Variants in NGEF observed in about 807,000 individuals in gnomAD.
The protein encoded by NGEF is ephexin-1.
In NGEF, 31 loss-of-function variants were observed where a neutral mutation model predicts 80.9. The ratio of observed to expected loss-of-function variants is 0.38; its 90% CI spans 0.29 to 0.52. The LOEUF is 0.52. NGEF is among the 20% of genes least tolerant of loss of function. NGEF has a pLI of 0.84. For synonymous variants in NGEF, 371 were observed against 370.2 expected (o/e 1.00, Z -0.03); for missense variants, 709 against 926.2 (o/e 0.77, Z 3.04).
intron 5 of NGEF, among the ~76,000 whole-genome samples, chr2:232,906,104 G>A (rs188020433): frequency 3.2e-5 from 3 of 93,060 alleles, no homozygotes; most frequent in South Asian, 3.3e-4. Flanking sequence ...CAGCCGTCCC[G>A]TCTGGGAGGG....
At chr2:232,922,060 C>T (rs985451431) in intron 4 of NGEF, among the ~76,000 whole-genome samples, 1 of 152,212 alleles carries the variant, frequency 6.6e-6, no homozygotes, top group Non-Finnish European at 1.5e-5. Flanking sequence ...AGCAGGATGT[C>T]CTGGTCTGGC....
At chr2:232,893,672 G>A (rs1174486225) in intron 6 of NGEF, among the ~76,000 whole-genome samples, 1 of 152,222 alleles carries the variant, frequency 6.6e-6, no homozygotes, top group Non-Finnish European at 1.5e-5. Flanking sequence ...CTACTCGGGA[G>A]GTTGAGGCAG....
chr2:232,955,244 G>GAC (rs1359255617), intron 3 of NGEF, among the ~76,000 whole-genome samples: 4 of 152,078 alleles, frequency 2.6e-5, no homozygotes, highest in Non-Finnish European at 4.4e-5. Context: ...GTCAGCTGCC[G>GAC]ACCTGACATC....
chr2:232,935,055 A>G (rs1462295833), intron 3 of NGEF, among the ~76,000 whole-genome samples: 1 of 152,106 alleles, frequency 6.6e-6, no homozygotes, highest in Middle Eastern at 3.2e-3. Context: ...AATTAAAGTT[A>G]TATTTTTTAA....
intron 3 of NGEF, among the ~76,000 whole-genome samples, chr2:232,937,980 C>T (rs1331573266): frequency 6.6e-6 from 1 of 152,086 alleles, no homozygotes; most frequent in African/African-American, 2.4e-5. Flanking sequence ...ATGTGTTGCT[C>T]TGGTGGACAG....
At chr2:232,924,850 G>C (rs1693026693) in intron 4 of NGEF, among the ~76,000 whole-genome samples, 1 of 152,056 alleles carries the variant, frequency 6.6e-6, no homozygotes, top group Non-Finnish European at 1.5e-5. Context: ...ACTTTTTTCT[G>C]GGGTATTTAG....
intron 3 of NGEF, among the ~76,000 whole-genome samples, chr2:232,943,654 C>T (rs1693488536): frequency 6.6e-6 from 1 of 151,604 alleles, no homozygotes; most frequent in East Asian, 2.0e-4. Context: ...CGCCACTAGA[C>T]CCGACTAATT....
chr2:232,904,914 G>A (rs539980691), intron 5 of NGEF, among the ~76,000 whole-genome samples: 4 of 152,290 alleles, frequency 2.6e-5, no homozygotes, highest in Admixed American at 1.3e-4. Context: ...CTGCACTCCC[G>A]CCTGGGCCAC....
chr2:232,935,017 AAAT>A (rs1693300864), intron 3 of NGEF, among the ~76,000 whole-genome samples: 1 of 152,036 alleles, frequency 6.6e-6, no homozygotes, highest in Admixed American at 6.6e-5. Context: ...CAAAAAAAAA[AAAT>A]AATAATAAGA....
At chr2:232,943,616 C>T (rs1031970134) in intron 3 of NGEF, among the ~76,000 whole-genome samples, 1 of 151,534 alleles carries the variant, frequency 6.6e-6, no homozygotes, top group Non-Finnish European at 1.5e-5. Flanking sequence ...CTGCCTCAGC[C>T]TCCCGAGTAG....
intron 1 of NGEF, among the ~76,000 whole-genome samples, chr2:232,984,096 AT>A (rs966541669): frequency 2.0e-5 from 3 of 151,970 alleles, no homozygotes; most frequent in African/African-American, 7.3e-5. Context: ...ACTGAAATTA[AT>A]TTTTTCAGAC....
At chr2:232,932,758 G>A (rs1693243472) in intron 3 of NGEF, among the ~76,000 whole-genome samples, 2 of 152,018 alleles carry the variant, frequency 1.3e-5, no homozygotes, top group African/African-American at 4.8e-5. Context: ...CTGACTCCTT[G>A]TATCCTCATG....
intron 5 of NGEF, among the ~76,000 whole-genome samples, chr2:232,906,158 G>T (rs1348229117): frequency 5.0e-5 from 3 of 59,940 alleles, no homozygotes; most frequent in Admixed American, 1.5e-4. Flanking sequence ...GCCCCGTCCG[G>T]GAGGGAGGTG....
chr2:232,906,981 C>CA (rs1692575485), intron 5 of NGEF, among the ~76,000 whole-genome samples: 1 of 150,470 alleles, frequency 6.6e-6, no homozygotes, highest in Non-Finnish European at 1.5e-5. Flanking sequence ...TGCTTGAAGG[C>CA]AGCATGCTCG....
intron 3 of NGEF, among the ~76,000 whole-genome samples, chr2:232,966,355 G>C (rs780705832): frequency 4.8e-4 from 73 of 152,334 alleles, no homozygotes; most frequent in Non-Finnish European, 9.6e-4. Context: ...TCTTCCTGGA[G>C]ACCCACACTT....
At chr2:232,902,750 C>T (rs1692391501) in intron 5 of NGEF, among the ~76,000 whole-genome samples, 1 of 152,162 alleles carries the variant, frequency 6.6e-6, no homozygotes, top group Non-Finnish European at 1.5e-5. Context: ...CCTGTAATCC[C>T]AATACTTTGG....
At chr2:232,951,460 A>T (rs114926690) in intron 3 of NGEF, among the ~76,000 whole-genome samples, 116 of 152,312 alleles carry the variant, frequency 7.6e-4, no homozygotes, top group African/African-American at 2.7e-3. Flanking sequence ...GGAAGACCTG[A>T]GTCTTGGCAG....
At chr2:232,891,538 C>A in intron 7 of NGEF, 51 bp from the exon 8 acceptor site, 1 of 1,568,526 alleles carries the variant, frequency 6.4e-7, no homozygotes. Flanking sequence ...GAGGCATGAA[C>A]TGGAGACTCC....
Position 232,920,394 on chromosome 2 carries a change from A to C in NGEF, c.718T>G (p.Cys240Gly). 7 of 1,614,060 alleles carry C rather than the reference A, an allele frequency of 4.3e-6. No homozygotes were observed. Among genetic ancestry groups the C allele is most frequent in the Non-Finnish European group, 5.9e-6 (7 of 1,179,988 alleles). The change falls in exon 5 of 15, where the codon TGC becomes GGC. Residue 240 changes from cysteine to glycine, a missense_variant. By Grantham distance (159) the Cys-to-Gly change is radical. This residue lies in a region of NGEF where 283 missense variants were observed against 303.4 expected (regional missense o/e 0.93). Coordinates refer to ENST00000264051, the MANE Select transcript of NGEF (RefSeq NM_019850.3). Reference protein sequence around the residue: ...PPERKTLPQICLLSNPHSRFN... With the variant: ...PPERKTLPQIGLLSNPHSRFN... ...CTTGAGTGGGGGTTACTGAGCAGGCAGATCTGGGGCAGAGTCTTCCTCTCT... is the reference window on the plus strand; with the variant it reads ...CTTGAGTGGGGGTTACTGAGCAGGCCGATCTGGGGCAGAGTCTTCCTCTCT...
Sources: allele counts gnomAD v4.1 joint callset (sites outside exome capture counted in the v4.1 genomes callset), GRCh38; gene constraint gnomAD v4.1.1; regional missense constraint gnomAD v4.1.1; transcripts MANE v1.5; gene names NCBI Gene and HGNC (gene_info 2026-07-23, HGNC 2026-07-21).